The following SNX29 variants were observed in gnomAD, a reference collection of about 807,000 sequenced individuals.
SNX29 encodes the protein sorting nexin-29.
A neutral mutation model predicts 102.1 loss-of-function variants in SNX29; 78 were observed. That is an observed-to-expected ratio of 0.76 (90% confidence interval 0.64 to 0.92). SNX29 has a LOEUF of 0.92. Among genes scored for constraint, SNX29 ranks in the 40% least tolerant of loss-of-function variants. The pLI is 0.00. For missense variants in SNX29, 1,280 were observed against 1,061.7 expected, an observed-to-expected ratio of 1.21 and a Z score of -2.86; for synonymous variants, 580 against 414.5, an observed-to-expected ratio of 1.40 and a Z score of -4.85.
intron 5 of SNX29, among the ~76,000 whole-genome samples, chr16:12,045,097 C>T (rs2050034705): frequency 6.6e-6 from 1 of 152,160 alleles, no homozygotes; most frequent in South Asian, 2.1e-4. Context: ...AAAACAGGCT[C>T]AGATTTTTAA....
At chr16:12,089,464 C>T (rs989874114) in intron 11 of SNX29, among the ~76,000 whole-genome samples, 13 of 152,168 alleles carry the variant, frequency 8.5e-5, no homozygotes, top group African/African-American at 3.1e-4. Flanking sequence ...AGCAAAGGTC[C>T]TGCCCTCAGA....
chr16:12,476,431 T>TATAC (rs2087652777), intron 18 of SNX29, among the ~76,000 whole-genome samples: 1 of 87,910 alleles, frequency 1.1e-5, no homozygotes, highest in Non-Finnish European at 2.1e-5. Flanking sequence ...TATATATATA[T>TATAC]ATATATATAT....
intron 11 of SNX29, among the ~76,000 whole-genome samples, chr16:12,107,784 A>G (rs72784657): frequency 1.3e-5 from 2 of 152,096 alleles, no homozygotes; most frequent in East Asian, 3.9e-4. Context: ...TCATTCTCAG[A>G]CATCCTCCCC....
At chr16:12,379,616 G>A (rs1597150924) in intron 16 of SNX29, among the ~76,000 whole-genome samples, 2 of 152,310 alleles carry the variant, frequency 1.3e-5, no homozygotes, top group Non-Finnish European at 2.9e-5. Flanking sequence ...GTGATAAAGG[G>A]AGGTGATTAT....
chr16:12,094,987 G>GTA (rs1398173841), intron 11 of SNX29: 1 of 152,186 alleles, frequency 6.6e-6, no homozygotes, highest in Non-Finnish European at 1.5e-5. Context: ...ATGTGTGTGT[G>GTA]TATGTTTGGG....
intron 18 of SNX29, among the ~76,000 whole-genome samples, chr16:12,439,975 C>T (rs926203421): frequency 1.3e-5 from 2 of 152,146 alleles, no homozygotes; most frequent in Non-Finnish European, 2.9e-5. Flanking sequence ...GTGCAGGGGA[C>T]GTGGGGATGC....
intron 18 of SNX29, among the ~76,000 whole-genome samples, chr16:12,467,476 C>T (rs565035341): frequency 1.6e-4 from 24 of 152,280 alleles, no homozygotes; most frequent in South Asian, 1.2e-3. Flanking sequence ...CACAGACACA[C>T]GGGTGACTTC....
At chr16:12,551,189 A>G (rs926225761) in intron 20 of SNX29, among the ~76,000 whole-genome samples, 1 of 152,056 alleles carries the variant, frequency 6.6e-6, no homozygotes, top group Non-Finnish European at 1.5e-5. Flanking sequence ...ACTTCCCCAC[A>G]GAGAGCCTTT....
chr16:12,264,123 G>A lies in SNX29; in HGVS notation c.1679-13810G>A, dbSNP rs148419501. Among the ~76,000 whole-genome samples, 387 of 152,328 alleles carry A rather than the reference G, an allele frequency of 2.5e-3. 2 individuals carry two copies. Among genetic ancestry groups the A allele is most frequent in the African/African-American group, 8.9e-3 (372 of 41,592 alleles). On this transcript the variant is annotated intron_variant, in intron 14 of 20. Coordinates refer to ENST00000566228, the MANE Select transcript of SNX29 (RefSeq NM_032167.5). ...AGGAGACTGTGTGCCGGCCAGCTGA[G>A]CCCCTTGCAGAAAGTGGCTGAGCCA...
chr16:12,462,806 T>C (rs941723117), intron 18 of SNX29, among the ~76,000 whole-genome samples: 12 of 152,192 alleles, frequency 7.9e-5, no homozygotes, highest in Non-Finnish European at 4.4e-5. Flanking sequence ...CTATGCAGAA[T>C]ATCAGTGCCG....
At chr16:12,271,899 A>G (rs2079102374) in intron 14 of SNX29, among the ~76,000 whole-genome samples, 1 of 152,208 alleles carries the variant, frequency 6.6e-6, no homozygotes. Flanking sequence ...CTGGGATTTC[A>G]GGTGTGAACC....
intron 15 of SNX29, among the ~76,000 whole-genome samples, chr16:12,290,009 G>C (rs1010556118): frequency 3.4e-4 from 51 of 152,138 alleles, no homozygotes; most frequent in African/African-American, 1.2e-3. Context: ...GGGATACAGC[G>C]GGAGTGGAGA....
intron 18 of SNX29, among the ~76,000 whole-genome samples, chr16:12,431,531 A>G (rs963360673): frequency 1.3e-5 from 2 of 151,600 alleles, no homozygotes; most frequent in Non-Finnish European, 2.9e-5. Flanking sequence ...GGTCTAATGA[A>G]AAAAGTCAGC....
intron 1 of SNX29, among the ~76,000 whole-genome samples, chr16:11,989,450 A>G (rs533605366): frequency 1.3e-5 from 2 of 152,066 alleles, no homozygotes; most frequent in East Asian, 3.9e-4. Context: ...GTGCCACTTC[A>G]CCCTACAATA....
At position 12,571,537 on chromosome 16, in the gene SNX29, T is replaced by C. The variant is rs2079187644; in HGVS notation, c.*2908T>C. On this transcript the variant is annotated 3_prime_UTR_variant, in exon 21 of 21. Transcript: ENST00000566228. ...GCCTTGGATTCCTGGGACCACCCTTTGCTGGGAGGAAGAATCCACACCGAA... is the reference window on the plus strand; with the variant it reads ...GCCTTGGATTCCTGGGACCACCCTTCGCTGGGAGGAAGAATCCACACCGAA... 1 of 903,904 alleles carries C rather than the reference T, an allele frequency of 1.1e-6. No homozygotes were observed. Among genetic ancestry groups the C allele is most frequent in the Non-Finnish European group, 1.4e-6 (1 of 732,600 alleles). The allele number at this position is 903,904 out of a possible 1,614,324, so 56.0% of individuals were successfully genotyped here. A position where few individuals can be genotyped will look rare whatever the true frequency, so the allele number is the denominator to read the frequency against.
chr16:12,399,772 G>T (rs1345957065), intron 17 of SNX29, among the ~76,000 whole-genome samples: 1 of 152,144 alleles, frequency 6.6e-6, no homozygotes, highest in Non-Finnish European at 1.5e-5. Context: ...TGGAGAGGCT[G>T]AGGTGGGTGA....
At chr16:12,373,264 C>G (rs2082751109) in intron 16 of SNX29, among the ~76,000 whole-genome samples, 1 of 152,188 alleles carries the variant, frequency 6.6e-6, no homozygotes, top group Non-Finnish European at 1.5e-5. Context: ...TCCTGAGTAG[C>G]TGGGATTACA....
In SNX29 at chr16:12,101,301, C is replaced by CTTTTTTTTTT. The variant is rs1212782573; in HGVS notation, c.1402+22392_1402+22401dup. Among the ~76,000 whole-genome samples, 29 of 118,556 alleles carry CTTTTTTTTTT rather than the reference C, an allele frequency of 2.4e-4. 3 individuals are homozygous for CTTTTTTTTTT. The highest frequency in any genetic ancestry group is 8.8e-4 in the African/African-American group (25 of 28,324). The allele number at this position is 118,556 out of a possible 152,430, so 77.8% of individuals were successfully genotyped here. A position where few individuals can be genotyped will look rare whatever the true frequency, so the allele number is the denominator to read the frequency against. ...AATGTACCTTTGTGGCCCCCCCCAA[C>CTTTTTTTTTT]TTTTTTTTTTTTTTTGCCTTGCAGA... On this transcript the variant is annotated intron_variant, in intron 11 of 20. Transcript: ENST00000566228.
chr16:12,108,691 C>T (rs1001878973), intron 11 of SNX29, among the ~76,000 whole-genome samples: 16 of 152,136 alleles, frequency 1.1e-4, no homozygotes, highest in South Asian at 4.1e-4. Flanking sequence ...CAGTCCATTA[C>T]GTAGAGTTAT....
Sources: allele counts gnomAD v4.1 joint callset (sites outside exome capture counted in the v4.1 genomes callset), GRCh38; gene constraint gnomAD v4.1.1; transcripts MANE v1.5; gene names NCBI Gene and HGNC (gene_info 2026-07-23, HGNC 2026-07-21).